The following DDX10 variants were observed in gnomAD, a reference collection of about 807,000 sequenced individuals.
DDX10 encodes probable ATP-dependent RNA helicase DDX10.
DDX10 carries 74 observed loss-of-function variants against 104.3 expected under a neutral mutation model. The ratio of observed to expected loss-of-function variants is 0.71; its 90% CI spans 0.59 to 0.86. The LOEUF (loss-of-function observed/expected upper bound fraction) is 0.86, where lower values mean the gene tolerates loss of function less well. Among genes scored for constraint, DDX10 ranks in the 40% least tolerant of loss-of-function variants. The probability of loss-of-function intolerance (pLI) is 0.00; values close to 1 mark genes in which losing one functional copy is unlikely to be tolerated. For synonymous variants in DDX10, 351 were observed against 353.4 expected (o/e 0.99, Z 0.08); for missense variants, 952 against 1,040.0 (o/e 0.92, Z 1.16).
chr11:108,845,186 C>A (rs567888703), intron 15 of DDX10, among the ~76,000 whole-genome samples: 1 of 152,000 alleles, frequency 6.6e-6, no homozygotes, highest in African/African-American at 2.4e-5. Context: ...CCAGCCTGGG[C>A]GACAGAGCCA....
At chr11:108,677,952 G>A (rs897329404) in intron 4 of DDX10, among the ~76,000 whole-genome samples, 1 of 151,984 alleles carries the variant, frequency 6.6e-6, no homozygotes, top group African/African-American at 2.4e-5. Flanking sequence ...CGGTGTCAGA[G>A]TCTGTTCAAT....
chr11:108,880,640 AC>A (rs1267259000), intron 16 of DDX10, among the ~76,000 whole-genome samples: 6 of 152,180 alleles, frequency 3.9e-5, no homozygotes, highest in African/African-American at 1.2e-4. Flanking sequence ...TACAAGGAAA[AC>A]GTAGGCACTT....
At chr11:108,783,790 A>G (rs527415889) in intron 13 of DDX10, among the ~76,000 whole-genome samples, 1 of 152,240 alleles carries the variant, frequency 6.6e-6, no homozygotes, top group African/African-American at 2.4e-5. Flanking sequence ...TGAGCATAGT[A>G]CCCAATAAGT....
intron 13 of DDX10, among the ~76,000 whole-genome samples, chr11:108,729,634 T>C (rs1037621004): frequency 6.6e-6 from 1 of 152,060 alleles, no homozygotes; most frequent in Non-Finnish European, 1.5e-5. Flanking sequence ...TTTTCTACTT[T>C]GTACTTAATA....
chr11:108,831,126 C>A (rs1862463492), intron 13 of DDX10, among the ~76,000 whole-genome samples: 1 of 152,120 alleles, frequency 6.6e-6, no homozygotes, highest in Admixed American at 6.5e-5. Flanking sequence ...TCTTATCGGG[C>A]TGGGCATGGT....
chr11:108,788,461 C>G (rs1441707207), intron 13 of DDX10, among the ~76,000 whole-genome samples: 3 of 152,094 alleles, frequency 2.0e-5, no homozygotes, highest in African/African-American at 7.2e-5. Flanking sequence ...CTCCCAGATT[C>G]AAGCATTTCT....
chr11:108,898,645 A>G (rs1311544031), intron 16 of DDX10, among the ~76,000 whole-genome samples: 3 of 151,238 alleles, frequency 2.0e-5, no homozygotes, highest in African/African-American at 7.4e-5. Flanking sequence ...TTCTCCCATT[A>G]ATCAAAATTT....
chr11:108,876,444 C>A (rs1360795298), intron 16 of DDX10, among the ~76,000 whole-genome samples: 3 of 152,100 alleles, frequency 2.0e-5, no homozygotes, highest in African/African-American at 7.2e-5. Flanking sequence ...TGGCGAGGGG[C>A]CTTTGGAGCC....
intron 13 of DDX10, among the ~76,000 whole-genome samples, chr11:108,816,237 GCTCCCTA>G (rs1222906383): frequency 6.6e-6 from 1 of 152,096 alleles, no homozygotes; most frequent in African/African-American, 2.4e-5. Context: ...ATCTACGTAT[GCTCCCTA>G]GGCAAATTTA....
At chr11:108,911,354 A>T (rs951684565) in intron 16 of DDX10, among the ~76,000 whole-genome samples, 1 of 152,094 alleles carries the variant, frequency 6.6e-6, no homozygotes, top group Non-Finnish European at 1.5e-5. Context: ...AGAAGGTGGG[A>T]AGTCAAAGAT....
chr11:108,744,860 C>T (rs1282406645), intron 13 of DDX10, among the ~76,000 whole-genome samples: 2 of 152,078 alleles, frequency 1.3e-5, no homozygotes, highest in African/African-American at 4.8e-5. Flanking sequence ...GAAGATCTTT[C>T]TGGAGTAGTG....
intron 1 of DDX10, among the ~76,000 whole-genome samples, chr11:108,666,397 T>C (rs1446518131): frequency 6.6e-6 from 1 of 152,150 alleles, no homozygotes; most frequent in African/African-American, 2.4e-5. Context: ...AGAGAATCGC[T>C]TGAACCCGGG....
At chr11:108,672,020 C>T (rs187061280) in intron 1 of DDX10, among the ~76,000 whole-genome samples, 21 of 145,322 alleles carry the variant, frequency 1.4e-4, no homozygotes, top group Middle Eastern at 3.5e-3. Flanking sequence ...AAGTTCGCGC[C>T]ACTGCACTCC....
intron 1 of DDX10, among the ~76,000 whole-genome samples, chr11:108,672,723 CT>C (rs1318284932): frequency 1.3e-5 from 2 of 152,236 alleles, no homozygotes; most frequent in African/African-American, 4.8e-5. Flanking sequence ...ATTTCCAGAA[CT>C]GAGCAGTAGT....
At chr11:108,905,980 A>G (rs1361409555) in intron 16 of DDX10, among the ~76,000 whole-genome samples, 1 of 152,200 alleles carries the variant, frequency 6.6e-6, no homozygotes, top group Non-Finnish European at 1.5e-5. Context: ...ACCCTGTGAT[A>G]TCCGATTACC....
intron 13 of DDX10, among the ~76,000 whole-genome samples, chr11:108,831,712 T>C (rs892989834): frequency 2.0e-5 from 3 of 152,182 alleles, no homozygotes; most frequent in Non-Finnish European, 4.4e-5. Flanking sequence ...AATAGTTTTA[T>C]TTTCTTTTGT....
chr11:108,742,886 A>G lies in DDX10; in HGVS notation c.1965+19424A>G, dbSNP rs2094326986. ...GACCAATAATGAGTTCTGAAACTGA[A>G]TCAGTAATAAAAAGTCTACCAACCA... On this transcript the variant is annotated intron_variant, in intron 13 of 17. Transcript: ENST00000322536. Among the ~76,000 whole-genome samples, 3 of 152,168 alleles carry G rather than the reference A, an allele frequency of 2.0e-5. No individual in the cohort carries two copies. In the South Asian group the frequency reaches 6.2e-4, roughly 32 times the overall value.
intron 16 of DDX10, among the ~76,000 whole-genome samples, chr11:108,863,380 G>A (rs1017449649): frequency 1.3e-5 from 2 of 152,040 alleles, no homozygotes; most frequent in Middle Eastern, 3.2e-3. Flanking sequence ...ATCTTCTTTG[G>A]ATTATGAGAT....
chr11:108,718,420 G>T (rs1432351076), intron 11 of DDX10, among the ~76,000 whole-genome samples: 1 of 152,122 alleles, frequency 6.6e-6, no homozygotes, highest in Non-Finnish European at 1.5e-5. Flanking sequence ...ATGCAAACAT[G>T]TACATTTTTT....
Sources: gnomAD v4.1 joint callset for allele counts (sites outside exome capture counted in the v4.1 genomes callset) on GRCh38, gnomAD v4.1.1 for gene constraint, MANE v1.5 for transcripts, NCBI Gene and HGNC (gene_info 2026-07-23, HGNC 2026-07-21) for gene names.